The following CDH1 variants were observed in gnomAD, a reference collection of about 807,000 sequenced individuals.
CDH1 encodes the protein cadherin 1.
A neutral mutation model predicts 84.5 loss-of-function variants in CDH1; 35 were observed. The ratio of observed to expected loss-of-function variants is 0.41; its 90% CI spans 0.32 to 0.55. The LOEUF (loss-of-function observed/expected upper bound fraction) is 0.55, where lower values mean the gene tolerates loss of function less well. CDH1 is among the 20% of genes least tolerant of loss of function. The pLI is 0.19. For synonymous variants in CDH1, 417 were observed against 439.0 expected (o/e 0.95, Z 0.63); for missense variants, 994 against 1,126.6 (o/e 0.88, Z 1.68).
At position 68,799,174 on chromosome 16, in the gene CDH1, G is replaced by A. The variant is rs932407928; in HGVS notation, c.164-2496G>A. Among the ~76,000 whole-genome samples the A allele has an allele frequency of 5.9e-5, 9 of 152,168 alleles. No individual in the cohort carries two copies. The South Asian group carries it at 6.2e-4, about 10-fold the overall frequency. ...CAGAATCTGGTTTTATAATCCAGTC[G>A]CAGACCCTGGGTCCAGCCCTTTTTC... On this transcript the variant is annotated intron_variant, in intron 2 of 15. Transcript: ENST00000261769.
At chr16:68,821,342 G>A (rs1019126077) in intron 11 of CDH1, among the ~76,000 whole-genome samples, 7 of 152,034 alleles carry the variant, frequency 4.6e-5, no homozygotes, top group Non-Finnish European at 8.8e-5. Context: ...AAGCATGGTG[G>A]CATGCGCCTG....
chr16:68,825,975 C>A (rs1416523419), intron 13 of CDH1, among the ~76,000 whole-genome samples: 1 of 151,776 alleles, frequency 6.6e-6, no homozygotes, highest in East Asian at 1.9e-4. Flanking sequence ...AGCCACCACA[C>A]CCAGCTAATT....
At chr16:68,786,801 A>C (rs1299692127) in intron 2 of CDH1, among the ~76,000 whole-genome samples, 3 of 152,164 alleles carry the variant, frequency 2.0e-5, no homozygotes, top group Admixed American at 2.0e-4. Context: ...CTTGTTGTAC[A>C]GTCATCTGCA....
chr16:68,824,046 G>A (rs1961253861), intron 13 of CDH1, among the ~76,000 whole-genome samples: 1 of 139,786 alleles, frequency 7.2e-6, no homozygotes, highest in Non-Finnish European at 1.5e-5. Flanking sequence ...TGCCGAGGCT[G>A]GAGTGCAATG....
chr16:68,815,718 C>A lies in CDH1; in HGVS notation c.1524C>A (p.Tyr508Ter). ...GCGTGGGCCAGGAAATCACATCCTA[C>A]ACTGCCCAGGAGCCAGACACATTTA... ...DFGVGQEITS[Y>*]TAQEPDTFME... Residue 508 changes from tyrosine (Y) to a stop codon, truncating the protein, a stop_gained, in exon 10 of 16, where the codon TAC becomes TAA. Transcript: ENST00000261769. LOFTEE classifies it high-confidence loss of function. The A allele has an allele frequency of 6.2e-7, 1 of 1,614,246 alleles. No homozygotes were observed. Among genetic ancestry groups the A allele is most frequent in the Non-Finnish European group, 8.5e-7 (1 of 1,180,050 alleles).
chr16:68,826,478 A>G (rs1961325718), intron 13 of CDH1: 1 of 152,148 alleles, frequency 6.6e-6, no homozygotes, highest in African/African-American at 2.4e-5. Flanking sequence ...CAAATGTGCT[A>G]GAGGCTGGGC....
intron 2 of CDH1, among the ~76,000 whole-genome samples, chr16:68,795,057 C>G (rs1442479359): frequency 6.6e-6 from 1 of 152,142 alleles, no homozygotes; most frequent in Admixed American, 6.5e-5. Flanking sequence ...GTTGCTCAGG[C>G]TAGTCTTGCA....
intron 2 of CDH1, among the ~76,000 whole-genome samples, chr16:68,763,988 G>A (rs983443550): frequency 1.3e-5 from 2 of 152,188 alleles, no homozygotes; most frequent in African/African-American, 2.4e-5. Flanking sequence ...TTGGGGGGAT[G>A]GCGGACACAT....
intron 15 of CDH1, among the ~76,000 whole-genome samples, chr16:68,831,694 A>T (rs942519224): frequency 2.0e-5 from 3 of 151,506 alleles, no homozygotes; most frequent in African/African-American, 7.3e-5. Flanking sequence ...CACCACTACC[A>T]CGCCCAGCTA....
At chr16:68,786,533 T>A (rs979602705) in intron 2 of CDH1, among the ~76,000 whole-genome samples, 5 of 122,032 alleles carry the variant, frequency 4.1e-5, no homozygotes, top group Admixed American at 9.7e-5. Context: ...TTTTTTTTTT[T>A]CTTTTTTTTT....
At chr16:68,790,490 G>C (rs1003335539) in intron 2 of CDH1, among the ~76,000 whole-genome samples, 2 of 152,166 alleles carry the variant, frequency 1.3e-5, no homozygotes, top group Non-Finnish European at 2.9e-5. Flanking sequence ...AGGCTGTGTT[G>C]TTACGCATGC....
At chr16:68,773,400 G>A (rs565680035) in intron 2 of CDH1, among the ~76,000 whole-genome samples, 7 of 151,302 alleles carry the variant, frequency 4.6e-5, no homozygotes, top group Non-Finnish European at 7.4e-5. Context: ...AGGTTCAAGT[G>A]ATTCTCCTGC....
Position 68,834,217 on chromosome 16 carries a change from G to A in CDH1, c.*718G>A, listed in dbSNP as rs1368158004. 8.0e-6 allele frequency: 4 copies of A among 502,282 alleles called. No individual in the cohort carries two copies. The highest frequency in any genetic ancestry group is 4.6e-5 in the Admixed American group (2 of 43,756). 31.1% of individuals were successfully genotyped at this position (502,282 alleles called of 1,614,324 possible). A position where few individuals can be genotyped will look rare whatever the true frequency, so the allele number is the denominator to read the frequency against. ...GATCCTCCCATCTTGGCCTCCCAGA[G>A]TATTGGGATTACAGACATGAGCCAC... is the stretch of plus-strand genomic sequence containing the variant. On this transcript the variant is annotated 3_prime_UTR_variant, in exon 16 of 16. Transcript: ENST00000261769.
At chr16:68,822,301 A>G (rs971373689) in intron 12 of CDH1, 76 bp downstream of exon 12, 9 of 990,500 alleles carry the variant, frequency 9.1e-6, no homozygotes, top group Non-Finnish European at 1.3e-5. Context: ...CCACCTTTCA[A>G]TTTCCCTTCT....
At chr16:68,745,549 A>ATATATATATATATATGTAT (rs1285099283) in intron 2 of CDH1, among the ~76,000 whole-genome samples, 46 of 75,188 alleles carry the variant, frequency 6.1e-4, no homozygotes, top group African/African-American at 2.5e-3. Context: ...AAAAAAAAAA[A>ATATATATATATATATGTAT]ATATATATAT....
rs1158343325 is a variant in CDH1, at chr16:68,811,396, C to CA, written c.833-267dup. The stretch of plus-strand genomic sequence containing the variant: ...GGGCAACAGGAGCAAAACTCCGTCT[C>CA]AAAAAAAAAAAAAAAAAAAAAGATA... On this transcript the variant is annotated intron_variant, in intron 6 of 15. Coordinates refer to ENST00000261769, the MANE Select transcript of CDH1 (RefSeq NM_004360.5). Among the ~76,000 whole-genome samples the CA allele has an allele frequency of 6.4e-3, 493 of 77,516 alleles. 1 individual carries two copies. Among genetic ancestry groups the CA allele is most frequent in the South Asian group, 9.7e-3 (19 of 1,964 alleles). 50.9% of individuals were successfully genotyped at this position (77,516 alleles called of 152,430 possible). A position where few individuals can be genotyped will look rare whatever the true frequency, so the allele number is the denominator to read the frequency against.
chr16:68,761,494 G>A (rs964585434), intron 2 of CDH1, among the ~76,000 whole-genome samples: 8 of 152,164 alleles, frequency 5.3e-5, no homozygotes, highest in African/African-American at 4.8e-5. Flanking sequence ...TGTGAATGGC[G>A]GACACAGAGA....
chr16:68,787,986 C>T (rs1043110139), intron 2 of CDH1, among the ~76,000 whole-genome samples: 4 of 151,988 alleles, frequency 2.6e-5, no homozygotes, highest in African/African-American at 4.8e-5. Context: ...CCACCACGCC[C>T]CGCTAATTTT....
chr16:68,792,049 T>A (rs561951053), intron 2 of CDH1, among the ~76,000 whole-genome samples: 1 of 151,202 alleles, frequency 6.6e-6, no homozygotes, highest in East Asian at 1.9e-4. Context: ...CTCTCCCAAG[T>A]GGCTGAGATT....
Sources: allele counts gnomAD v4.1 joint callset (sites outside exome capture counted in the v4.1 genomes callset), GRCh38; gene constraint gnomAD v4.1.1; transcripts MANE v1.5; gene names NCBI Gene and HGNC (gene_info 2026-07-23, HGNC 2026-07-21).